Variants in PARD3B observed in about 807,000 individuals in gnomAD.
The protein encoded by PARD3B is par-3 family cell polarity regulator beta, also known as partitioning defective 3 homolog B.
In PARD3B, 103 loss-of-function variants were observed where a neutral mutation model predicts 130.2. The observed-to-expected ratio is 0.79, with a 90% CI of 0.67 to 0.93. PARD3B has a LOEUF of 0.93. PARD3B is among the 40% of genes least tolerant of loss of function. The pLI is 0.00. For missense variants in PARD3B, 1,609 were observed against 1,499.2 expected (o/e 1.07, Z -1.21); for synonymous variants, 583 against 553.2 (o/e 1.05, Z -0.76).
chr2:204,801,928 T>A (rs572037531), intron 2 of PARD3B, among the ~76,000 whole-genome samples: 68 of 152,310 alleles, frequency 4.5e-4, no homozygotes, highest in African/African-American at 1.5e-3. Flanking sequence ...AGTGTTGAAT[T>A]TTATCAAAGG....
rs548424707 is a variant in PARD3B, at chr2:204,746,801, A to G, written c.222+60519A>G. Among the ~76,000 whole-genome samples, 106 of 152,190 alleles carry G rather than the reference A, an allele frequency of 7.0e-4. 1 individual carries two copies. Among genetic ancestry groups the G allele is most frequent in the African/African-American group, 2.5e-3 (103 of 41,526 alleles). On this transcript the variant is annotated intron_variant, in intron 2 of 22. Coordinates refer to ENST00000406610, the MANE Select transcript of PARD3B (RefSeq NM_001302769.2). The stretch of plus-strand genomic sequence containing the variant: ...CTTCTTTTGAGAAGTGTCTGTTCAT[A>G]TCCTTTGCCCACTTTGTGATGGGGT...
chr2:205,440,963 C>T lies in PARD3B; in HGVS notation c.3044+291C>T, dbSNP rs750731749. On this transcript the variant is annotated intron_variant, in intron 20 of 22. Transcript: ENST00000406610. This position sits in a 1 kb window ranked among gnomAD's most constrained non-coding sequence, Gnocchi z 4.2. ...GACATCTCATGAAGAAAACTTTGAA[C>T]GAATATTGTCCTTTCTCCTAAGAGA... is the stretch of plus-strand genomic sequence containing the variant. Among the ~76,000 whole-genome samples, 13 of 152,120 alleles carry T rather than the reference C, an allele frequency of 8.5e-5. No individual in the cohort carries two copies. Among genetic ancestry groups the T allele is most frequent in the South Asian group, 4.1e-4 (2 of 4,824 alleles).
intron 2 of PARD3B, among the ~76,000 whole-genome samples, chr2:204,772,359 C>G (rs945144329): frequency 1.4e-4 from 21 of 151,952 alleles, no homozygotes; most frequent in African/African-American, 4.3e-4. Flanking sequence ...TTGCTTAGTC[C>G]TAGCAGAGAA....
At chr2:204,986,141 C>T in intron 3 of PARD3B, among the ~76,000 whole-genome samples, 1 of 150,336 alleles carries the variant, frequency 6.7e-6, no homozygotes, top group South Asian at 2.1e-4. Context: ...TTATCTGGGC[C>T]CATATGCTAG....
At chr2:205,427,857 A>G (rs1348969485) in intron 19 of PARD3B, among the ~76,000 whole-genome samples, 6 of 152,230 alleles carry the variant, frequency 3.9e-5, no homozygotes, top group African/African-American at 1.2e-4. Context: ...TTTTGATTAT[A>G]CATATTTAGT....
chr2:205,248,842 T>C (rs1020659702), intron 16 of PARD3B, among the ~76,000 whole-genome samples: 169 of 151,580 alleles, frequency 1.1e-3, no homozygotes, highest in African/African-American at 3.8e-3. Flanking sequence ...CTCCTGACCT[T>C]GTGATCCGCC....
At chr2:204,914,468 A>T (rs762638475) in intron 2 of PARD3B, among the ~76,000 whole-genome samples, 5 of 152,164 alleles carry the variant, frequency 3.3e-5, no homozygotes, top group Non-Finnish European at 5.9e-5. Flanking sequence ...GAAAGAGAGA[A>T]AGAATGGAAG....
intron 2 of PARD3B, among the ~76,000 whole-genome samples, chr2:204,889,147 T>C (rs1400186080): frequency 6.6e-6 from 1 of 152,148 alleles, no homozygotes; most frequent in East Asian, 1.9e-4. Context: ...TTACTCTAGA[T>C]TGGTTTTCTA....
At position 204,677,242 on chromosome 2, in the gene PARD3B, C is replaced by T. The variant is rs2036595850; in HGVS notation, c.121-8939C>T. On this transcript the variant is annotated intron_variant, in intron 1 of 22. Transcript: ENST00000406610. This position sits in a 1 kb window ranked among gnomAD's most constrained non-coding sequence, Gnocchi z 4.1. Reference sequence around the variant, plus strand: ...TAATCCAGATACTTCCTCTGGTGCTCAACTGAAAAGACAATGAATACTCCA... The same window carrying T: ...TAATCCAGATACTTCCTCTGGTGCTTAACTGAAAAGACAATGAATACTCCA... Among the ~76,000 whole-genome samples, 1 of 152,114 alleles carries T rather than the reference C, an allele frequency of 6.6e-6. No homozygotes were observed. The highest frequency in any genetic ancestry group is 2.4e-5 in the African/African-American group (1 of 41,400).
intron 4 of PARD3B, among the ~76,000 whole-genome samples, chr2:205,093,307 T>G (rs1436386447): frequency 1.3e-5 from 2 of 152,166 alleles, no homozygotes; most frequent in Non-Finnish European, 2.9e-5. Flanking sequence ...AGTCCTGTGC[T>G]AAGTGACAGG....
chr2:204,631,936 G>T (rs375138701), intron 1 of PARD3B, among the ~76,000 whole-genome samples: 1 of 152,092 alleles, frequency 6.6e-6, no homozygotes, highest in East Asian at 1.9e-4. Context: ...TTTCATTTTG[G>T]AGATGAAATG....
At chr2:204,936,582 T>C (rs1390558532) in intron 2 of PARD3B, among the ~76,000 whole-genome samples, 1 of 152,218 alleles carries the variant, frequency 6.6e-6, no homozygotes, top group African/African-American at 2.4e-5. Flanking sequence ...CTTTTACAGA[T>C]GATGGAGCAT....
chr2:204,571,866 C>T (rs1014455998), intron 1 of PARD3B, among the ~76,000 whole-genome samples: 40 of 152,086 alleles, frequency 2.6e-4, no homozygotes, highest in African/African-American at 8.2e-4. Context: ...ATATTACTGT[C>T]CTTAATTAAA....
rs146022348 is a variant in PARD3B, at chr2:205,167,591, T to C, written c.1621-4620T>C. ...ATAAAATGGGGGCAGCAATCTCAAA[T>C]ATACAGGGTTTCTATAAGGAGTAAA... On this transcript the variant is annotated intron_variant, in intron 11 of 22. Transcript: ENST00000406610. 2.4e-3 allele frequency among the ~76,000 whole-genome samples: 372 copies of C among 152,312 alleles called. 5 individuals carry two copies. Among genetic ancestry groups the C allele is most frequent in the African/African-American group, 8.6e-3 (357 of 41,566 alleles).
At chr2:204,659,714 T>A (rs1442283396) in intron 1 of PARD3B, among the ~76,000 whole-genome samples, 1 of 152,202 alleles carries the variant, frequency 6.6e-6, no homozygotes, top group Non-Finnish European at 1.5e-5. Context: ...GGCACTGTGA[T>A]CCAGGCTTCC....
chr2:205,102,490 C>T (rs1452891047), intron 4 of PARD3B, among the ~76,000 whole-genome samples: 2 of 151,884 alleles, frequency 1.3e-5, no homozygotes, highest in Non-Finnish European at 2.9e-5. Flanking sequence ...ATATCAAGCC[C>T]TTCATAATAA....
intron 15 of PARD3B, among the ~76,000 whole-genome samples, chr2:205,197,045 G>GTA (rs759006924): frequency 0.045 from 6,767 of 150,070 alleles, 221 homozygotes; most frequent in East Asian, 0.18. Context: ...GTGTGTGTGT[G>GTA]TGTGTGTGTG....
intron 22 of PARD3B, among the ~76,000 whole-genome samples, chr2:205,602,698 G>A (rs1465376928): frequency 6.6e-6 from 1 of 152,078 alleles, no homozygotes; most frequent in East Asian, 1.9e-4. Flanking sequence ...GTATTTCTGT[G>A]GGGTCAGTGG....
At chr2:204,746,076 A>T (rs2040213287) in intron 2 of PARD3B, among the ~76,000 whole-genome samples, 1 of 147,232 alleles carries the variant, frequency 6.8e-6, no homozygotes, top group African/African-American at 2.5e-5. Context: ...GGTGTGCTGC[A>T]CCCATTAACT....
Sources: allele counts gnomAD v4.1 joint callset (sites outside exome capture counted in the v4.1 genomes callset), GRCh38; gene constraint gnomAD v4.1.1; non-coding constraint Gnocchi (gnomAD v3.1); transcripts MANE v1.5; gene names NCBI Gene and HGNC (gene_info 2026-07-23, HGNC 2026-07-21).